The following AK7 variants were observed in gnomAD, a reference collection of about 807,000 sequenced individuals.
The protein encoded by AK7 is ATP-AMP transphosphorylase 7.
AK7 carries 78 observed loss-of-function variants against 96.6 expected under a neutral mutation model. The observed-to-expected ratio is 0.81, with a 90% CI of 0.67 to 0.97. The LOEUF (loss-of-function observed/expected upper bound fraction) is 0.97. Among genes scored for constraint, AK7 ranks in the 50% least tolerant of loss-of-function variants. The probability of loss-of-function intolerance (pLI) is 0.00; values close to 1 mark genes in which losing one functional copy is unlikely to be tolerated. For synonymous variants in AK7, 302 were observed against 317.2 expected (o/e 0.95, Z 0.51); for missense variants, 855 against 887.9 (o/e 0.96, Z 0.47).
intron 5 of AK7, among the ~76,000 whole-genome samples, chr14:96,422,662 G>A (rs1022088705): frequency 4.6e-5 from 7 of 152,154 alleles, no homozygotes; most frequent in Admixed American, 2.6e-4. Flanking sequence ...CACATCACGC[G>A]CTGTTGGCTC....
chr14:96,431,062 A>G (rs1333755204), intron 5 of AK7, among the ~76,000 whole-genome samples: 1 of 151,990 alleles, frequency 6.6e-6, no homozygotes, highest in Non-Finnish European at 1.5e-5. Context: ...AGAGGTGTTT[A>G]TTCTCTGGTG....
intron 12 of AK7, among the ~76,000 whole-genome samples, chr14:96,462,180 G>A (rs1894290763): frequency 6.6e-6 from 1 of 152,202 alleles, no homozygotes; most frequent in Non-Finnish European, 1.5e-5. Flanking sequence ...GGGGGCAGAG[G>A]AAGTGGTCGT....
intron 5 of AK7, among the ~76,000 whole-genome samples, chr14:96,435,350 C>G (rs745926596): frequency 2.6e-5 from 4 of 151,688 alleles, no homozygotes; most frequent in Non-Finnish European, 4.4e-5. Flanking sequence ...TTCAAGGCAG[C>G]AGGTTCCTTT....
chr14:96,405,906 CCT>C (rs1890682974), intron 3 of AK7, among the ~76,000 whole-genome samples: 1 of 152,126 alleles, frequency 6.6e-6, no homozygotes, highest in Admixed American at 6.5e-5. Flanking sequence ...TCCAAAGCAA[CCT>C]CTTTTTTTGT....
chr14:96,477,725 T>C (rs1895263062), intron 14 of AK7, among the ~76,000 whole-genome samples: 1 of 152,230 alleles, frequency 6.6e-6, no homozygotes, highest in African/African-American at 2.4e-5. Flanking sequence ...GACCATAACA[T>C]GTTGTACGTA....
chr14:96,438,310 CAG>C (rs1892763047), intron 6 of AK7, among the ~76,000 whole-genome samples: 2 of 151,996 alleles, frequency 1.3e-5, no homozygotes, highest in Admixed American at 1.3e-4. Context: ...GATGTTGAAA[CAG>C]GGTATGGAAA....
intron 12 of AK7, among the ~76,000 whole-genome samples, chr14:96,460,585 T>G (rs1894199869): frequency 6.6e-6 from 1 of 152,268 alleles, no homozygotes; most frequent in South Asian, 2.1e-4. Flanking sequence ...CTTGACTGCC[T>G]CCATGGCCAT....
chr14:96,471,434 G>A (rs1894879569), intron 12 of AK7, 44 bp from the exon 13 acceptor site: 1 of 1,008,072 alleles, frequency 9.9e-7, no homozygotes, highest in Non-Finnish European at 1.3e-6. Flanking sequence ...TACTTAGAAT[G>A]TGATACATTA....
chr14:96,393,125 G>A (rs899528333), intron 1 of AK7, among the ~76,000 whole-genome samples: 1 of 152,082 alleles, frequency 6.6e-6, no homozygotes, highest in Non-Finnish European at 1.5e-5. Flanking sequence ...GGAAAATGAA[G>A]ATATTCAGAA....
intron 5 of AK7, among the ~76,000 whole-genome samples, chr14:96,432,765 A>G (rs189292616): frequency 1.0e-3 from 157 of 151,794 alleles, no homozygotes; most frequent in Middle Eastern, 6.8e-3. Flanking sequence ...CAGGCAGATC[A>G]CAAGGTCAGG....
At chr14:96,443,072 A>G (rs1029409879) in intron 7 of AK7, among the ~76,000 whole-genome samples, 25 of 152,214 alleles carry the variant, frequency 1.6e-4, no homozygotes, top group African/African-American at 6.0e-4. Context: ...ACAGAATAGC[A>G]ATGCCCTCCA....
At chr14:96,481,607 A>G (rs1232484407) in intron 15 of AK7, among the ~76,000 whole-genome samples, 1 of 151,776 alleles carries the variant, frequency 6.6e-6, no homozygotes, top group Non-Finnish European at 1.5e-5. Context: ...CGGCCTCCCA[A>G]AGTTCTGGGA....
At chr14:96,481,304 T>G (rs1468819586) in intron 15 of AK7, among the ~76,000 whole-genome samples, 1 of 152,186 alleles carries the variant, frequency 6.6e-6, no homozygotes, top group Non-Finnish European at 1.5e-5. Flanking sequence ...TTGTAACTAC[T>G]CAGAGTAATC....
Position 96,483,946 on chromosome 14 carries a change from TAGGCTGGGCA to T in AK7, c.1974+728_1974+737del, listed in dbSNP as rs544373155. The stretch of plus-strand genomic sequence containing the variant: ...ATTCTGCTTCCAAAAATAGCACTCT[TAGGCTGGGCA>T]TGGTGGTTCATACCTGTAATCCCAG... On this transcript the variant is annotated intron_variant, in intron 16 of 17. Coordinates refer to ENST00000267584, the MANE Select transcript of AK7 (RefSeq NM_152327.5). 2.3e-3 allele frequency among the ~76,000 whole-genome samples: 345 copies of T among 149,458 alleles called. 1 individual carries two copies. The highest frequency in any genetic ancestry group is 3.7e-3 in the Non-Finnish European group (250 of 67,982).
intron 1 of AK7, among the ~76,000 whole-genome samples, chr14:96,397,233 G>A (rs1890131823): frequency 6.6e-6 from 1 of 152,048 alleles, no homozygotes; most frequent in Non-Finnish European, 1.5e-5. Context: ...TGGATATATT[G>A]CATTAAATAC....
chr14:96,484,719 T>C (rs1326405054), intron 16 of AK7, among the ~76,000 whole-genome samples: 1 of 152,254 alleles, frequency 6.6e-6, no homozygotes, highest in African/African-American at 2.4e-5. Context: ...TTTATACTTT[T>C]TAATTTTCCT....
chr14:96,476,635 G>A (rs1895202286), intron 14 of AK7, among the ~76,000 whole-genome samples: 1 of 152,042 alleles, frequency 6.6e-6, no homozygotes, highest in South Asian at 2.1e-4. Context: ...GCCAGTGCAA[G>A]GACAATAGAT....
intron 2 of AK7, 35 bp downstream of exon 2, chr14:96,398,298 A>G (rs775383930): frequency 1.4e-5 from 22 of 1,607,566 alleles, no homozygotes; most frequent in Non-Finnish European, 1.7e-5. Context: ...GAGTAGACAG[A>G]GGGAAGAGTC....
intron 4 of AK7, among the ~76,000 whole-genome samples, chr14:96,411,837 A>G (rs113738132): frequency 0.02 from 3,118 of 152,350 alleles, 52 homozygotes; most frequent in Non-Finnish European, 0.031. Context: ...TGCAAGCAAC[A>G]GAATCCAGCT....
Sources: gnomAD v4.1 joint callset for allele counts (sites outside exome capture counted in the v4.1 genomes callset) on GRCh38, gnomAD v4.1.1 for gene constraint, MANE v1.5 for transcripts, NCBI Gene and HGNC (gene_info 2026-07-23, HGNC 2026-07-21) for gene names.